The following PRMT7 variants were observed in gnomAD, a reference collection of about 807,000 sequenced individuals.
PRMT7 encodes the protein protein arginine N-methyltransferase 7.
PRMT7 carries 75 observed loss-of-function variants against 85.4 expected under a neutral mutation model. That is an observed-to-expected ratio of 0.88 (90% confidence interval 0.73 to 1.06). The LOEUF (loss-of-function observed/expected upper bound fraction) is 1.06, where lower values mean the gene tolerates loss of function less well. PRMT7 is among the 50% of genes least tolerant of loss of function. The pLI, the probability that PRMT7 is intolerant of heterozygous loss-of-function variation, is 0.00. For missense variants in PRMT7, 868 were observed against 915.2 expected (o/e 0.95, Z 0.67); for synonymous variants, 397 against 359.5 (o/e 1.10, Z -1.18).
In PRMT7 at chr16:68,357,215, C is replaced by G. The variant is rs760690026; in HGVS notation, c.2070C>G (p.Thr690=). The G allele has an allele frequency of 6.2e-7, 1 of 1,611,576 alleles. No individual in the cohort carries two copies. Among genetic ancestry groups the G allele is most frequent in the African/African-American group, 1.3e-5 (1 of 74,880 alleles). ...DIIMEFRHAD[T]PD is the part of the protein sequence containing the mutation. Reference sequence around the variant, plus strand: ...TCATGGAGTTCAGGCATGCAGATACCCCAGACTGACCACTCTTGAGCAATA... The same window carrying G: ...TCATGGAGTTCAGGCATGCAGATACGCCAGACTGACCACTCTTGAGCAATA... The change falls in exon 19 of 19, where the codon ACC becomes ACG. Residue 690 remains threonine (T), a synonymous_variant. Transcript: ENST00000441236.
chr16:68,333,174 T>A (rs559544648), intron 6 of PRMT7, among the ~76,000 whole-genome samples: 3 of 152,194 alleles, frequency 2.0e-5, no homozygotes, highest in Non-Finnish European at 2.9e-5. Flanking sequence ...TTTGTTTTTT[T>A]AAATTTTTAT....
intron 10 of PRMT7, 147 bp from the exon 11 acceptor site, chr16:68,345,998 G>C (rs2086300872): frequency 5.8e-6 from 8 of 1,374,258 alleles, no homozygotes; most frequent in South Asian, 2.7e-5. Flanking sequence ...GCTGGAATCT[G>C]TTTAGAGCAG....
intron 5 of PRMT7, 126 bp downstream of exon 5, chr16:68,324,958 C>T (rs2082933791): frequency 3.2e-6 from 4 of 1,262,872 alleles, no homozygotes; most frequent in Admixed American, 2.4e-5. Flanking sequence ...AGCACAGAGC[C>T]AGGCTCTGAG....
At chr16:68,335,732 C>T (rs190988840) in intron 6 of PRMT7, among the ~76,000 whole-genome samples, 3 of 150,902 alleles carry the variant, frequency 2.0e-5, no homozygotes, top group South Asian at 2.1e-4. Flanking sequence ...GCCTCGAGCT[C>T]GAGGTTCACG....
intron 16 of PRMT7, among the ~76,000 whole-genome samples, 176 bp downstream of exon 16, chr16:68,353,742 G>A (rs756348165): frequency 6.6e-6 from 1 of 152,158 alleles, no homozygotes; most frequent in Non-Finnish European, 1.5e-5. Flanking sequence ...TCTTGGCTCC[G>A]TGCTGTCACC....
At chr16:68,349,307 C>T (rs2086913330) in intron 14 of PRMT7, among the ~76,000 whole-genome samples, 1 of 149,378 alleles carries the variant, frequency 6.7e-6, no homozygotes, top group Admixed American at 6.6e-5. Flanking sequence ...CTCTGGTAAT[C>T]ACGTTCCTTC....
chr16:68,314,764 C>T (rs917410048), intron 2 of PRMT7, among the ~76,000 whole-genome samples: 1 of 152,144 alleles, frequency 6.6e-6, no homozygotes, highest in African/African-American at 2.4e-5. Flanking sequence ...GAGCCCACAC[C>T]TGCTGAGGAG....
chr16:68,357,313 T>A lies in PRMT7; in HGVS notation c.*89T>A. 7.3e-7 allele frequency: 1 copy of A among 1,375,916 alleles called. No individual in the cohort carries two copies. The highest frequency in any genetic ancestry group is 9.9e-7 in the Non-Finnish European group (1 of 1,008,510). The allele number at this position is 1,375,916 out of a possible 1,614,324, so 85.2% of individuals were successfully genotyped here. A position where few individuals can be genotyped will look rare whatever the true frequency, so the allele number is the denominator to read the frequency against. On this transcript the variant is annotated 3_prime_UTR_variant, in exon 19 of 19. Transcript: ENST00000441236. Reference sequence around the variant, plus strand: ...GGGAAGGCTGAAGGCCCTCCTCTCCTCTCTGGGAGCTGCTCGGCCTCAGGG... The same window carrying A: ...GGGAAGGCTGAAGGCCCTCCTCTCCACTCTGGGAGCTGCTCGGCCTCAGGG...
At chr16:68,352,440 A>G (rs578204642) in intron 15 of PRMT7, 31 bp downstream of exon 15, 13 of 1,571,626 alleles carry the variant, frequency 8.3e-6, no homozygotes, top group African/African-American at 2.7e-5. Context: ...TGGAGAAAAA[A>G]GCAGAGGAGG....
chr16:68,324,767 AC>A lies in PRMT7; in HGVS notation c.218del (p.Thr73MetfsTer8). 1 of 1,614,066 alleles carries A rather than the reference AC, an allele frequency of 6.2e-7. No individual in the cohort carries two copies. Among genetic ancestry groups the A allele is most frequent in the Non-Finnish European group, 8.5e-7 (1 of 1,179,984 alleles). On this transcript the variant is annotated frameshift_variant, in exon 5 of 19. Transcript: ENST00000441236. LOFTEE classifies it high-confidence loss of function. Reference sequence around the variant, plus strand: ...GAAGGCCTTGGTTCTCGACATTGGCACTGGCACGGGACTCTTGTCAATGATG... The same window carrying A: ...GAAGGCCTTGGTTCTCGACATTGGCATGGCACGGGACTCTTGTCAATGATG... The part of the protein sequence containing the change: ...GQKALVLDIG[T>X]GTGLLSMMAV...
chr16:68,314,302 C>G (rs1466657194), intron 2 of PRMT7, among the ~76,000 whole-genome samples: 1 of 152,212 alleles, frequency 6.6e-6, no homozygotes, highest in African/African-American at 2.4e-5. Context: ...GCGGTCTCAG[C>G]TCACTGCAAC....
chr16:68,336,571 T>C (rs910344367), intron 6 of PRMT7, among the ~76,000 whole-genome samples: 1 of 152,246 alleles, frequency 6.6e-6, no homozygotes, highest in African/African-American at 2.4e-5. Flanking sequence ...ACCAGCATTC[T>C]GTTTTTGCTT....
downstream of PRMT7, chr16:68,360,186 C>G (rs2089165630): frequency 6.6e-6 from 1 of 152,598 alleles, no homozygotes; most frequent in Non-Finnish European, 1.5e-5. Context: ...GGCACGTCCC[C>G]AGGGAGGGAT....
intron 3 of PRMT7, 101 bp downstream of exon 3, chr16:68,316,175 G>C: frequency 9.7e-7 from 1 of 1,029,426 alleles, no homozygotes; most frequent in Non-Finnish European, 1.5e-6. Flanking sequence ...CTGTCACCCA[G>C]TGCTTATGAT....
intron 2 of PRMT7, among the ~76,000 whole-genome samples, chr16:68,314,653 T>C (rs1286670939): frequency 7.9e-5 from 12 of 152,226 alleles, no homozygotes; most frequent in Admixed American, 7.9e-4. Context: ...GTAGGCATTC[T>C]TTCTAAGTTT....
Position 68,357,159 on chromosome 16 carries a change from G to A in PRMT7, c.2014G>A (p.Val672Met). Residue 672 changes from valine (V) to methionine (M), a missense_variant, in exon 19 of 19, where the codon GTG becomes ATG. Val to Met is a conservative substitution (Grantham distance 21). Transcript: ENST00000441236. ...TGGCCCACGGACTGTCAGCTATGCA[G>A]TGGAGTTTCACCCCGACACAGGCGA... ...LGGPRTVSYAVEFHPDTGDII... is the reference protein window; with the variant it reads ...LGGPRTVSYAMEFHPDTGDII... The A allele has an allele frequency of 6.2e-7, 1 of 1,614,046 alleles. No homozygotes were observed. Among genetic ancestry groups the A allele is most frequent in the African/African-American group, 1.3e-5 (1 of 75,072 alleles).
chr16:68,339,211 G>A lies in PRMT7; in HGVS notation c.505-111G>A, dbSNP rs931107043. 42 of 1,385,098 alleles carry A rather than the reference G, an allele frequency of 3.0e-5. No individual in the cohort carries two copies. In the African/African-American group the frequency reaches 6.0e-4, roughly 20 times the overall value. 85.8% of individuals were successfully genotyped at this position (1,385,098 alleles called of 1,614,324 possible). On this transcript the variant is annotated intron_variant, in intron 7 of 18. Transcript: ENST00000441236. The stretch of plus-strand genomic sequence containing the variant: ...CTATTCTAATAGTATAAGGTGTTGG[G>A]CATTACTGAACCAACCTAATGTTAA...
intron 3 of PRMT7, among the ~76,000 whole-genome samples, chr16:68,319,576 C>T (rs1230713368): frequency 6.8e-6 from 1 of 147,406 alleles, no homozygotes; most frequent in East Asian, 2.0e-4. Flanking sequence ...AGATATAAAA[C>T]CTTGATGTGC....
chr16:68,313,992 A>G (rs956361169), intron 2 of PRMT7, among the ~76,000 whole-genome samples: 1 of 152,212 alleles, frequency 6.6e-6, no homozygotes, highest in Admixed American at 6.5e-5. Context: ...CCTTGTTCGT[A>G]GGAAGTCAGT....
Sources: allele counts gnomAD v4.1 joint callset (sites outside exome capture counted in the v4.1 genomes callset), GRCh38; gene constraint gnomAD v4.1.1; transcripts MANE v1.5; gene names NCBI Gene and HGNC (gene_info 2026-07-23, HGNC 2026-07-21).